The following EVC2 variants were observed in gnomAD, a reference collection of about 807,000 sequenced individuals.
The protein encoded by EVC2 is EvC ciliary complex subunit 2, also known as limbin.
In EVC2, 148 loss-of-function variants were observed where a neutral mutation model predicts 149.3. That is an observed-to-expected ratio of 0.99 (90% CI 0.87 to 1.14). The LOEUF (loss-of-function observed/expected upper bound fraction) is 1.14. Among genes scored for constraint, EVC2 ranks in the 50% most tolerant of loss-of-function variants. The pLI, the probability that EVC2 is intolerant of heterozygous loss-of-function variation, is 0.00. For synonymous variants in EVC2, 776 were observed against 649.9 expected (o/e 1.19, Z -2.95); for missense variants, 1,854 against 1,627.3 (o/e 1.14, Z -2.40).
intron 21 of EVC2, among the ~76,000 whole-genome samples, chr4:5,564,807 A>G (rs968767583): frequency 6.6e-6 from 1 of 152,182 alleles, no homozygotes; most frequent in African/African-American, 2.4e-5. Flanking sequence ...CTGGAAGTTT[A>G]AGAAAATAAA....
intron 7 of EVC2, among the ~76,000 whole-genome samples, chr4:5,675,880 G>T (rs539522402): frequency 2.0e-5 from 3 of 152,300 alleles, no homozygotes; most frequent in African/African-American, 2.4e-5. Flanking sequence ...GGAGGCAGAG[G>T]TTGCCGTGAG....
At chr4:5,660,263 G>A (rs1718792151) in intron 9 of EVC2, among the ~76,000 whole-genome samples, 4 of 152,182 alleles carry the variant, frequency 2.6e-5, no homozygotes, top group Non-Finnish European at 1.5e-5. Context: ...GGTCAGCCCT[G>A]CACTTACGAG....
chr4:5,708,711 G>A (rs1722384725), upstream of EVC2: 2 of 460,120 alleles, frequency 4.3e-6, no homozygotes, highest in Admixed American at 4.4e-5. Flanking sequence ...GAGTTGGCGC[G>A]GCCCAGGCGC....
In EVC2 at chr4:5,657,942, C is replaced by T. The variant is rs929669581; in HGVS notation, c.1145+5165G>A. ...CTCAAATGTCCACATCCCTTCCCACCTCTTGTGCTTGCTGCCCACTCCAAA... is the reference window on the plus strand; with the variant it reads ...CTCAAATGTCCACATCCCTTCCCACTTCTTGTGCTTGCTGCCCACTCCAAA... On this transcript the variant is annotated intron_variant, in intron 9 of 21. Coordinates refer to ENST00000344408, the MANE Select transcript of EVC2 (RefSeq NM_147127.5). This position sits in a 1 kb window ranked among gnomAD's most constrained non-coding sequence, Gnocchi z 4.7. Among the ~76,000 whole-genome samples, 1 of 152,066 alleles carries T rather than the reference C, an allele frequency of 6.6e-6. No homozygotes were observed. The highest frequency in any genetic ancestry group is 2.4e-5 in the African/African-American group (1 of 41,406).
At chr4:5,573,954 T>G (rs773157152) in intron 19 of EVC2, among the ~76,000 whole-genome samples, 31 of 152,348 alleles carry the variant, frequency 2.0e-4, no homozygotes, top group Non-Finnish European at 3.8e-4. Flanking sequence ...TGGCAGTTCT[T>G]TGACCTCTTC....
At chr4:5,698,335 T>C (rs1460469519) in intron 1 of EVC2, among the ~76,000 whole-genome samples, 2 of 152,054 alleles carry the variant, frequency 1.3e-5, no homozygotes, top group African/African-American at 2.4e-5. Context: ...TCCAGGGTGG[T>C]AGATAAGACA....
At chr4:5,550,621 T>TC (rs1721718772) in intron 21 of EVC2, among the ~76,000 whole-genome samples, 1 of 152,224 alleles carries the variant, frequency 6.6e-6, no homozygotes, top group African/African-American at 2.4e-5. Flanking sequence ...GAAAATCCTA[T>TC]CTTCTGTGGA....
intron 17 of EVC2, among the ~76,000 whole-genome samples, chr4:5,584,229 A>G (rs1381332677): frequency 6.6e-6 from 1 of 152,226 alleles, no homozygotes; most frequent in African/African-American, 2.4e-5. Context: ...TTTGGAAAGA[A>G]TGTAGCATGT....
chr4:5,557,862 G>C (rs1387407822), downstream of EVC2, among the ~76,000 whole-genome samples: 2 of 152,008 alleles, frequency 1.3e-5, no homozygotes, highest in Admixed American at 1.3e-4. Flanking sequence ...ATATGTACAG[G>C]ATCTGTATGC....
At chr4:5,553,020 T>A (rs1358871223) in intron 21 of EVC2, among the ~76,000 whole-genome samples, 1 of 152,194 alleles carries the variant, frequency 6.6e-6, no homozygotes, top group Non-Finnish European at 1.5e-5. Context: ...GTGATGGATA[T>A]TGCCGGTATT....
downstream of EVC2, among the ~76,000 whole-genome samples, chr4:5,560,660 T>C (rs1269660621): frequency 6.6e-6 from 1 of 152,184 alleles, no homozygotes; most frequent in African/African-American, 2.4e-5. The surrounding 1 kb of genome is among the most constrained non-coding windows in gnomAD (Gnocchi z 4.1). Context: ...ATCAGATGGA[T>C]TTTTGTAAAG....
intron 9 of EVC2, among the ~76,000 whole-genome samples, chr4:5,660,065 G>A (rs536763765): frequency 3.6e-4 from 55 of 152,260 alleles, no homozygotes; most frequent in African/African-American, 1.1e-3. Context: ...CCCATTGCTC[G>A]TCCATTTCTC....
At chr4:5,665,322 A>G (rs940129441) in intron 8 of EVC2, among the ~76,000 whole-genome samples, 193 bp downstream of exon 8, 2 of 152,098 alleles carry the variant, frequency 1.3e-5, no homozygotes, top group South Asian at 4.2e-4. Flanking sequence ...CCTGGCTCTT[A>G]AGAAAAAAAA....
intron 16 of EVC2, among the ~76,000 whole-genome samples, chr4:5,605,780 C>T (rs150410795): frequency 1.3e-5 from 2 of 152,252 alleles, no homozygotes; most frequent in East Asian, 3.9e-4. Context: ...GTGCAGGTGG[C>T]CAGAATGTCC....
intron 21 of EVC2, among the ~76,000 whole-genome samples, chr4:5,545,876 G>C (rs1721606875): frequency 6.6e-6 from 1 of 152,188 alleles, no homozygotes. Context: ...GAAATGATTT[G>C]CAAGAAGATG....
the EVC2 span, among the ~76,000 whole-genome samples, chr4:5,533,225 A>T: frequency 1.3e-5 from 2 of 152,086 alleles, no homozygotes; most frequent in Admixed American, 1.3e-4. Context: ...GCGATTTTTA[A>T]TAGGGCAACT....
chr4:5,663,074 G>T (rs751554678), intron 9 of EVC2, 33 bp downstream of exon 9: 5 of 1,607,376 alleles, frequency 3.1e-6, no homozygotes, highest in Non-Finnish European at 4.2e-6. Context: ...TTCATCACAT[G>T]TGTGTAAGTA....
chr4:5,646,003 C>T (rs532320152), intron 9 of EVC2, among the ~76,000 whole-genome samples: 1 of 152,280 alleles, frequency 6.6e-6, no homozygotes, highest in East Asian at 1.9e-4. Context: ...GATCTTGGCT[C>T]ACTGCAACCT....
chr4:5,700,971 T>C (rs1202264182), intron 1 of EVC2, among the ~76,000 whole-genome samples: 1 of 152,246 alleles, frequency 6.6e-6, no homozygotes, highest in East Asian at 1.9e-4. Flanking sequence ...ATTTATTCTC[T>C]GATAGTTCTA....
Sources: allele counts gnomAD v4.1 joint callset (sites outside exome capture counted in the v4.1 genomes callset), GRCh38; gene constraint gnomAD v4.1.1; non-coding constraint Gnocchi (gnomAD v3.1); transcripts MANE v1.5; gene names NCBI Gene and HGNC (gene_info 2026-07-23, HGNC 2026-07-21).